Variants in TOMM34 observed in about 807,000 individuals in gnomAD.
TOMM34 encodes mitochondrial import receptor subunit TOM34.
In TOMM34, 24 loss-of-function variants were observed where a neutral mutation model predicts 37.4. That is an observed-to-expected ratio of 0.64 (90% CI 0.46 to 0.90). TOMM34 has a LOEUF of 0.90. TOMM34 is among the 40% of genes least tolerant of loss of function. The probability of loss-of-function intolerance (pLI) is 0.00; values close to 1 mark genes in which losing one functional copy is unlikely to be tolerated. For synonymous variants in TOMM34, 154 were observed against 148.9 expected (o/e 1.03, Z -0.25); for missense variants, 304 against 375.6 (o/e 0.81, Z 1.58).
At chr20:44,959,983 G>T (rs199895863) in intron 1 of TOMM34, 2 of 985,278 alleles carry the variant, frequency 2.0e-6, no homozygotes, top group East Asian at 2.3e-4. Flanking sequence ...TTCTTCTCAG[G>T]GCTCAGAACG....
At chr20:44,954,110 C>T (rs2067049902) in intron 3 of TOMM34, among the ~76,000 whole-genome samples, 1 of 152,212 alleles carries the variant, frequency 6.6e-6, no homozygotes, top group African/African-American at 2.4e-5. Context: ...TACCCCATAT[C>T]TCTCATTCTT....
At chr20:44,949,614 A>C (rs1427056341) in intron 4 of TOMM34, among the ~76,000 whole-genome samples, 2 of 152,204 alleles carry the variant, frequency 1.3e-5, no homozygotes, top group African/African-American at 4.8e-5. Context: ...CTGCTTTTCA[A>C]AAATTTTTAA....
chr20:44,944,326 A>G (rs2066962074), intron 5 of TOMM34, among the ~76,000 whole-genome samples: 1 of 152,238 alleles, frequency 6.6e-6, no homozygotes, highest in African/African-American at 2.4e-5. Flanking sequence ...CTCCAAAGAC[A>G]GTCACTAAAA....
intron 1 of TOMM34, among the ~76,000 whole-genome samples, chr20:44,957,464 G>A (rs1028322440): frequency 1.1e-4 from 16 of 152,164 alleles, no homozygotes; most frequent in Non-Finnish European, 1.9e-4. Flanking sequence ...GTGAGCCACC[G>A]TGCCCAACCA....
At chr20:44,960,058 G>A (rs2067111747) in intron 1 of TOMM34, 149 bp downstream of exon 1, 15 of 1,393,286 alleles carry the variant, frequency 1.1e-5, no homozygotes, top group African/African-American at 3.1e-5. Flanking sequence ...AGAAAGGGCC[G>A]AGGAAGTTTC....
chr20:44,955,043 A>T (rs375634066), intron 3 of TOMM34, 25 bp downstream of exon 3: 2 of 1,612,492 alleles, frequency 1.2e-6, no homozygotes, highest in Non-Finnish European at 1.7e-6. Flanking sequence ...TGCCGTGGAG[A>T]CCACCTGCTG....
intron 5 of TOMM34, among the ~76,000 whole-genome samples, chr20:44,945,469 C>T (rs2066972471): frequency 6.6e-6 from 1 of 152,218 alleles, no homozygotes; most frequent in Non-Finnish European, 1.5e-5. Context: ...GGCCTTGCAG[C>T]TTCCACCTTG....
intron 3 of TOMM34, 91 bp downstream of exon 3, chr20:44,954,976 TC>T: frequency 6.9e-7 from 1 of 1,459,542 alleles, no homozygotes; most frequent in Non-Finnish European, 9.2e-7. Context: ...GCCAAAGGGA[TC>T]CCCTCAGAAG....
chr20:44,960,351 G>A lies in TOMM34; in HGVS notation c.-18C>T, dbSNP rs780309180. 9 of 1,550,674 alleles carry A rather than the reference G, an allele frequency of 5.8e-6. No individual in the cohort carries two copies. In the African/African-American group the frequency reaches 1.3e-4, roughly 22 times the overall value. ...GGGGCCATCCCGTGGCCAGGCCGGCGAGTTGGGAGCTCCTTCCTTCCTCCC... is the reference window on the plus strand; with the variant it reads ...GGGGCCATCCCGTGGCCAGGCCGGCAAGTTGGGAGCTCCTTCCTTCCTCCC... On this transcript the variant is annotated 5_prime_UTR_variant, in exon 1 of 7. Transcript: ENST00000372813.
At position 44,951,946 on chromosome 20, in the gene TOMM34, G is replaced by A. The variant is rs2067030267; in HGVS notation, c.437C>T (p.Ser146Leu). 2.5e-6 allele frequency: 4 copies of A among 1,614,148 alleles called. No homozygotes were observed. Among genetic ancestry groups the A allele is most frequent in the Non-Finnish European group, 3.4e-6 (4 of 1,179,986 alleles). Residue 146 changes from serine (S) to leucine (L), a missense_variant, in exon 4 of 7, where the codon TCA becomes TTA. Physicochemically the swap from Ser to Leu is moderately radical, Grantham distance 145. Transcript: ENST00000372813. The stretch of plus-strand genomic sequence containing the variant: ...AGCTGAAACAGGCACCAAGGGGATT[G>A]AGGGCAGCTTCAGGCGCCACTCAGG... Reference protein sequence around the residue: ...LGPEWRLKLPSIPLVPVSAQK... With the variant: ...LGPEWRLKLPLIPLVPVSAQK...
At chr20:44,943,647 T>C in intron 5 of TOMM34, 68 bp from the exon 6 acceptor site, 1 of 1,603,124 alleles carries the variant, frequency 6.2e-7, no homozygotes, top group East Asian at 2.2e-5. Context: ...CACGCAGTAG[T>C]TTGAGAAGTG....
At chr20:44,954,526 G>A (rs1001015223) in intron 3 of TOMM34, among the ~76,000 whole-genome samples, 2 of 152,180 alleles carry the variant, frequency 1.3e-5, no homozygotes, top group African/African-American at 4.8e-5. Flanking sequence ...ACGCAGAGGG[G>A]AAACATGATC....
chr20:44,957,695 T>C (rs6073575), intron 1 of TOMM34, among the ~76,000 whole-genome samples: 46,396 of 151,890 alleles, frequency 0.31, 8,070 homozygotes, highest in Admixed American at 0.47. Context: ...CAGGCTGAAG[T>C]GTAGTAGCAC....
Position 44,956,243 on chromosome 20 carries a change from A to C in TOMM34, c.227+143T>G, listed in dbSNP as rs144100635. 107 of 801,272 alleles carry C rather than the reference A, an allele frequency of 1.3e-4. No homozygotes were observed. In the East Asian group the frequency reaches 2.6e-3, roughly 19 times the overall value. The allele number at this position is 801,272 out of a possible 1,614,324, so 49.6% of individuals were successfully genotyped here. ...CAAATAAAGACTCCCATTCTCAGTG[A>C]CCTGGTGAAACTCAGTGACACTTTC... On this transcript the variant is annotated intron_variant, in intron 2 of 6. Transcript: ENST00000372813.
intron 2 of TOMM34, chr20:44,955,439 T>C: frequency 1.5e-6 from 1 of 668,328 alleles, no homozygotes; most frequent in Non-Finnish European, 2.7e-6. Flanking sequence ...TTTTGTTAAA[T>C]GTGTGTGCAC....
At chr20:44,951,635 G>A (rs112191766) in intron 4 of TOMM34, among the ~76,000 whole-genome samples, 198 bp downstream of exon 4, 44 of 152,272 alleles carry the variant, frequency 2.9e-4, no homozygotes, top group African/African-American at 1.0e-3. Flanking sequence ...TCATGGTTGT[G>A]AGGAAGACTT....
rs778427820 is a variant in TOMM34, at chr20:44,955,230, G to A, written c.228-10C>T. 1.2e-5 allele frequency: 19 copies of A among 1,610,820 alleles called. 1 individual carries two copies. The highest frequency in any genetic ancestry group is 3.3e-4 in the Middle Eastern group (2 of 6,030). ...AACCAAGGCCAGTGCTCTAGAATAG[G>A]AGGCAAAAATGTCAACTGGCTGGCT... On this transcript the variant is annotated splice_polypyrimidine_tract_variant and intron_variant, in intron 2 of 6. Coordinates refer to ENST00000372813, the MANE Select transcript of TOMM34 (RefSeq NM_006809.5).
At chr20:44,953,794 T>G (rs1037294983) in intron 3 of TOMM34, among the ~76,000 whole-genome samples, 28 of 152,206 alleles carry the variant, frequency 1.8e-4, no homozygotes, top group Admixed American at 3.9e-4. Flanking sequence ...TCCCCTGGAT[T>G]GCTGCATGAC....
intron 3 of TOMM34, chr20:44,952,750 A>G (rs2067037112): frequency 1.4e-6 from 1 of 711,002 alleles, no homozygotes; most frequent in Non-Finnish European, 2.6e-6. Context: ...TATGTGTTGA[A>G]TGAGTGAATA....
Sources: gnomAD v4.1 joint callset for allele counts (sites outside exome capture counted in the v4.1 genomes callset) on GRCh38, gnomAD v4.1.1 for gene constraint, MANE v1.5 for transcripts, NCBI Gene and HGNC (gene_info 2026-07-23, HGNC 2026-07-21) for gene names.